Variants in R3HDM2 observed in about 807,000 individuals in gnomAD.
R3HDM2 encodes R3H domain containing 2, also known as R3H domain-containing protein 2.
Under a neutral mutation model 124.5 loss-of-function variants are expected in R3HDM2, and 38 were observed. That is an observed-to-expected ratio of 0.31 (90% CI 0.24 to 0.40). The LOEUF (loss-of-function observed/expected upper bound fraction) is 0.40, where lower values mean the gene tolerates loss of function less well. R3HDM2 is among the 10% of genes least tolerant of loss of function. The pLI is 1.00. For synonymous variants in R3HDM2, 391 were observed against 448.0 expected (o/e 0.87, Z 1.61); for missense variants, 869 against 1,236.9 (o/e 0.70, Z 4.46).
At chr12:57,427,162 G>A (rs1167425171) in intron 1 of R3HDM2, among the ~76,000 whole-genome samples, 9 of 151,646 alleles carry the variant, frequency 5.9e-5, no homozygotes, top group Non-Finnish European at 8.8e-5. Flanking sequence ...GTGGTGGCGC[G>A]TGCCTGTAAT....
At chr12:57,383,377 G>T (rs993314562) in intron 2 of R3HDM2, among the ~76,000 whole-genome samples, 1 of 152,006 alleles carries the variant, frequency 6.6e-6, no homozygotes, top group Non-Finnish European at 1.5e-5. Context: ...AATACATTGG[G>T]ATCACAATTT....
At chr12:57,417,508 T>C (rs1422266086) in intron 1 of R3HDM2, among the ~76,000 whole-genome samples, 1 of 152,096 alleles carries the variant, frequency 6.6e-6, no homozygotes, top group Non-Finnish European at 1.5e-5. Context: ...AATAATACAA[T>C]ACTATTCCAT....
At chr12:57,266,276 A>G (rs4073818) in intron 19 of R3HDM2, among the ~76,000 whole-genome samples, 1,749 of 151,024 alleles carry the variant, frequency 0.012, 32 homozygotes, top group African/African-American at 0.04. Flanking sequence ...TTGTATTTTT[A>G]GTAGAGATGG....
chr12:57,353,242 A>G (rs2060872995), intron 2 of R3HDM2, among the ~76,000 whole-genome samples: 1 of 152,170 alleles, frequency 6.6e-6, no homozygotes, highest in Non-Finnish European at 1.5e-5. Context: ...AGGACAAATA[A>G]CTGGTACTTA....
At chr12:57,282,175 G>A (rs575970695) in intron 13 of R3HDM2, among the ~76,000 whole-genome samples, 2 of 152,212 alleles carry the variant, frequency 1.3e-5, no homozygotes, top group South Asian at 4.1e-4. Context: ...GCCGGCCGTG[G>A]TGGCGGGTGC....
In R3HDM2 at chr12:57,259,098, A is replaced by C. The variant is rs773610443; in HGVS notation, c.2132-39T>G. The C allele has an allele frequency of 3.1e-5, 49 of 1,596,156 alleles. 1 individual carries two copies. The South Asian group carries it at 5.2e-4, about 17-fold the overall frequency. On this transcript the variant is annotated intron_variant, in intron 19 of 23. Coordinates refer to ENST00000402412, the MANE Select transcript of R3HDM2 (RefSeq NM_001394031.1). Reference sequence around the variant, plus strand: ...AGAAAGCAGTTGGTTACAAATTCCAACTGTATTTTTGCCTTCCAACTAGCC... The same window carrying C: ...AGAAAGCAGTTGGTTACAAATTCCACCTGTATTTTTGCCTTCCAACTAGCC...
chr12:57,302,641 G>C (rs554338592), intron 4 of R3HDM2, among the ~76,000 whole-genome samples: 2 of 148,738 alleles, frequency 1.3e-5, no homozygotes, highest in South Asian at 4.3e-4. Context: ...ACTAAAGCCT[G>C]GGCAAGAGAG....
rs60676312 is a variant in R3HDM2 at position 57,288,400 on chromosome 12, A to C, written c.938+609T>G. On this transcript the variant is annotated intron_variant, in intron 12 of 23. Transcript: ENST00000402412. ...TATGTCTCTCTCTCTCTCTCTCTAT[A>C]TATATATATGTATTATTTTTTCTTA... 7.0e-3 allele frequency among the ~76,000 whole-genome samples: 1,059 copies of C among 151,444 alleles called. 8 individuals carry two copies. The highest frequency in any genetic ancestry group is 0.011 in the African/African-American group (468 of 41,260).
intron 11 of R3HDM2, among the ~76,000 whole-genome samples, chr12:57,290,823 G>A (rs866934067): frequency 1.3e-5 from 2 of 152,100 alleles, no homozygotes; most frequent in Admixed American, 6.5e-5. Context: ...TGATGGTCAG[G>A]TTGGTCTCGA....
intron 2 of R3HDM2, among the ~76,000 whole-genome samples, chr12:57,356,039 T>C (rs2137393485): frequency 6.6e-6 from 1 of 152,344 alleles, no homozygotes; most frequent in South Asian, 2.1e-4. Context: ...TTTTCAATCT[T>C]ATGCCTTTTA....
At chr12:57,377,025 G>GT (rs1207197493) in intron 2 of R3HDM2, among the ~76,000 whole-genome samples, 4 of 148,762 alleles carry the variant, frequency 2.7e-5, no homozygotes, top group Non-Finnish European at 3.0e-5. Context: ...TGGAAGCTTT[G>GT]TTTTTTCGCT....
chr12:57,290,548 T>G (rs1268262713), intron 11 of R3HDM2, among the ~76,000 whole-genome samples: 1 of 152,268 alleles, frequency 6.6e-6, no homozygotes, highest in Non-Finnish European at 1.5e-5. Flanking sequence ...TGAGTTCATC[T>G]ATATCAAGTA....
At chr12:57,380,578 A>G (rs1290581935) in intron 2 of R3HDM2, among the ~76,000 whole-genome samples, 20 of 152,226 alleles carry the variant, frequency 1.3e-4, no homozygotes, top group Admixed American at 1.3e-3. Flanking sequence ...TGCATCCTCC[A>G]TACTGGTCTG....
intron 6 of R3HDM2, among the ~76,000 whole-genome samples, chr12:57,299,061 G>T (rs1256574964): frequency 2.6e-5 from 4 of 152,212 alleles, no homozygotes; most frequent in Non-Finnish European, 5.9e-5. Context: ...GCTACCCAAT[G>T]ATTATCAATG....
intron 4 of R3HDM2, among the ~76,000 whole-genome samples, chr12:57,301,686 A>C (rs1229702213): frequency 6.6e-6 from 1 of 152,226 alleles, no homozygotes; most frequent in African/African-American, 2.4e-5. Context: ...CACAGAGCCA[A>C]TTTATCATAG....
At chr12:57,411,230 C>G (rs563085826) in intron 1 of R3HDM2, among the ~76,000 whole-genome samples, 27 of 152,296 alleles carry the variant, frequency 1.8e-4, no homozygotes, top group African/African-American at 6.5e-4. Context: ...GAGACAGCAT[C>G]TCACTCTGTT....
At chr12:57,430,489 G>GCCCCCCCCCCCCCCCCC in intron 1 of R3HDM2, 7 of 790,572 alleles carry the variant, frequency 8.9e-6, no homozygotes, top group Non-Finnish European at 1.1e-5. Flanking sequence ...CCACCCCCCT[G>GCCCCCCCCCCCCCCCCC]CCCCCGCACC....
intron 14 of R3HDM2, among the ~76,000 whole-genome samples, chr12:57,279,859 C>T (rs543925380): frequency 6.6e-6 from 1 of 152,114 alleles, no homozygotes; most frequent in Non-Finnish European, 1.5e-5. Flanking sequence ...AACAAAGACA[C>T]ATTTGGAGTC....
chr12:57,361,506 C>T lies in R3HDM2; in HGVS notation c.-36+34243G>A, dbSNP rs565724259. ...TTCAAGACTAGCCTGGCCAACAATG[C>T]GAGTCACTGTCACTACAAAAATTAA... On this transcript the variant is annotated intron_variant, in intron 2 of 23. Transcript: ENST00000402412. Among the ~76,000 whole-genome samples, 21 of 151,338 alleles carry T rather than the reference C, an allele frequency of 1.4e-4. No homozygotes were observed. In the East Asian group the frequency reaches 1.6e-3, roughly 11 times the overall value.
Sources: gnomAD v4.1 joint callset for allele counts (sites outside exome capture counted in the v4.1 genomes callset) on GRCh38, gnomAD v4.1.1 for gene constraint, MANE v1.5 for transcripts, NCBI Gene and HGNC (gene_info 2026-07-23, HGNC 2026-07-21) for gene names.